NISCH: variants seen among roughly 807,000 people sequenced by gnomAD.
NISCH encodes the protein I-1 receptor candidate protein.
In NISCH, 55 loss-of-function variants were observed where a neutral mutation model predicts 138.4. The ratio of observed to expected loss-of-function variants is 0.40; its 90% confidence interval spans 0.32 to 0.50. The LOEUF (loss-of-function observed/expected upper bound fraction) is 0.50, where lower values mean the gene tolerates loss of function less well. Among genes scored for constraint, NISCH ranks in the 20% least tolerant of loss-of-function variants. The pLI is 0.71. For missense variants in NISCH, 1,643 were observed against 2,005.5 expected, an observed-to-expected ratio of 0.82 and a Z score of 3.45; for synonymous variants, 860 against 861.5, an observed-to-expected ratio of 1.00 and a Z score of 0.03.
intron 13 of NISCH, chr3:52,481,265 C>T: frequency 9.4e-7 from 1 of 1,063,748 alleles, no homozygotes; most frequent in Non-Finnish European, 1.1e-6. Context: ...GCCCTCCCAG[C>T]AGGGACAGGA....
chr3:52,470,643 G>A (rs192791490), intron 3 of NISCH: 43 of 597,700 alleles, frequency 7.2e-5, no homozygotes, highest in African/African-American at 6.5e-4. Flanking sequence ...TTTCCCTTCT[G>A]CTTTGGAGGA....
chr3:52,475,159 C>T (rs770803045), intron 7 of NISCH, among the ~76,000 whole-genome samples: 2 of 149,898 alleles, frequency 1.3e-5, no homozygotes, highest in African/African-American at 4.9e-5. Flanking sequence ...GAGTTGGAGA[C>T]CAACCTGGGC....
At position 52,490,836 on chromosome 3, in the gene NISCH, G is replaced by A. The variant is rs780624774; in HGVS notation, c.3742+3G>A. 85 of 1,614,004 alleles carry A rather than the reference G, an allele frequency of 5.3e-5. 1 individual carries two copies. The South Asian group carries it at 8.5e-4, about 16-fold the overall frequency. On this transcript the variant is annotated splice_donor_region_variant and intron_variant, in intron 19 of 20. Transcript: ENST00000345716. ...CGACCAGCATTTCCGGCTGACGGGT[G>A]GGTGACCCTCTGTGCTTTGTCCTAT...
chr3:52,489,736 A>G (rs1209969644), intron 17 of NISCH, 58 bp downstream of exon 17: 11 of 1,566,284 alleles, frequency 7.0e-6, no homozygotes, highest in South Asian at 1.2e-5. Flanking sequence ...GGCGAGGCCA[A>G]GCTTGGCTTC....
At position 52,492,225 on chromosome 3, in the gene NISCH, C is replaced by T. The variant is rs1006987100; in HGVS notation, c.4258C>T (p.Leu1420Phe). 6 of 1,613,058 alleles carry T rather than the reference C, an allele frequency of 3.7e-6. No individual in the cohort carries two copies. The East Asian group carries it at 6.7e-5, about 18-fold the overall frequency. Residue 1420 changes from leucine to phenylalanine, a missense_variant, in exon 21 of 21, where the codon CTC (leucine) becomes TTC (phenylalanine). Physicochemically the swap from Leu to Phe is conservative, Grantham distance 22. Coordinates refer to ENST00000345716, the MANE Select transcript of NISCH (RefSeq NM_007184.4). Reference sequence around the variant, plus strand: ...CCGCGTCCGGGACCTGGACCGAGTGCTCATGGGCTACCAGACCTACCCGCA... The same window carrying T: ...CCGCGTCCGGGACCTGGACCGAGTGTTCATGGGCTACCAGACCTACCCGCA... ...GRRVRDLDRVLMGYQTYPQAL... is the reference protein window; with the variant it reads ...GRRVRDLDRVFMGYQTYPQAL...
At chr3:52,462,958 G>T (rs1349788243) in intron 3 of NISCH, among the ~76,000 whole-genome samples, 1 of 152,120 alleles carries the variant, frequency 6.6e-6, no homozygotes, top group Non-Finnish European at 1.5e-5. Flanking sequence ...TTTAAAAATT[G>T]AGATATAATT....
Position 52,484,406 on chromosome 3 carries a change from A to AC in NISCH, c.1529-102dup, listed in dbSNP as rs1707353732. 2.8e-6 allele frequency: 3 copies of AC among 1,083,248 alleles called. No homozygotes were observed. In the Admixed American group the frequency reaches 6.9e-5, roughly 25 times the overall value. The allele number at this position is 1,083,248 out of a possible 1,614,324, so 67.1% of individuals were successfully genotyped here. Reference sequence around the variant, plus strand: ...GTGGCTGGGTTTTGGGATCTGGCTAACCCCCGCCATGCCAGTAGCCTGAGG... The same window carrying AC: ...GTGGCTGGGTTTTGGGATCTGGCTAACCCCCCGCCATGCCAGTAGCCTGAGG... On this transcript the variant is annotated intron_variant, in intron 13 of 20. Transcript: ENST00000345716.
chr3:52,472,040 GA>G, intron 5 of NISCH, 63 bp downstream of exon 5: 28 of 1,493,778 alleles, frequency 1.9e-5, no homozygotes, highest in Non-Finnish European at 2.5e-5. Context: ...ACCTGCGGGG[GA>G]CTGGCTGGCA....
chr3:52,463,762 C>T (rs6772177), intron 3 of NISCH, among the ~76,000 whole-genome samples: 18,728 of 126,158 alleles, frequency 0.15, 1,550 homozygotes, highest in South Asian at 0.28. Context: ...CTCGCTCTGT[C>T]GCACAGGCTG....
At chr3:52,489,728 C>G in intron 17 of NISCH, 50 bp downstream of exon 17, 2 of 1,573,378 alleles carry the variant, frequency 1.3e-6, no homozygotes, top group Non-Finnish European at 1.7e-6. Flanking sequence ...GTCCTGAGGG[C>G]GAGGCCAAGC....
At chr3:52,481,141 G>T (rs1331413268) in intron 13 of NISCH, 10 of 1,249,458 alleles carry the variant, frequency 8.0e-6, no homozygotes, top group Non-Finnish European at 1.0e-5. Flanking sequence ...TTCTCTTAGA[G>T]GGATAAGATA....
rs758399504 is a variant in NISCH, at chr3:52,478,623, G to A, written c.1302+46G>A. 10 of 1,579,346 alleles carry A rather than the reference G, an allele frequency of 6.3e-6. No homozygotes were observed. In the Admixed American group the frequency reaches 1.7e-4, roughly 26 times the overall value. ...AAGAGCCCAGGGAGACCTTCGGGAT[G>A]CAGTCAAGTCTGCATGGGCGGTAGG... On this transcript the variant is annotated intron_variant, in intron 11 of 20. Coordinates refer to ENST00000345716, the MANE Select transcript of NISCH (RefSeq NM_007184.4).
Position 52,480,211 on chromosome 3 carries a change from G to GC in NISCH, c.1449dup (p.Cys484LeufsTer25). 1 of 1,613,876 alleles carries GC rather than the reference G, an allele frequency of 6.2e-7. No individual in the cohort carries two copies. Among genetic ancestry groups the GC allele is most frequent in the Non-Finnish European group, 8.5e-7 (1 of 1,179,994 alleles). On this transcript the variant is annotated frameshift_variant, in exon 13 of 21. Transcript: ENST00000345716. LOFTEE classifies it high-confidence loss of function. ...TGGTGAAGACTCCCGGCTCTCAGCT[G>GC]CCCCCTGCATCAGACCCAGCAGCTC... is the stretch of plus-strand genomic sequence containing the variant.
At chr3:52,472,269 C>T (rs1354657752) in intron 5 of NISCH, 34 bp from the exon 6 acceptor site, 5 of 1,595,884 alleles carry the variant, frequency 3.1e-6, no homozygotes, top group Non-Finnish European at 3.4e-6. Context: ...GCATGCGACA[C>T]TGTTCCCAAT....
At chr3:52,469,138 G>C (rs1341621161) in intron 3 of NISCH, among the ~76,000 whole-genome samples, 4 of 152,216 alleles carry the variant, frequency 2.6e-5, no homozygotes, top group African/African-American at 9.6e-5. Flanking sequence ...CACGTGAATT[G>C]CTTGTCCTGG....
chr3:52,467,718 T>C (rs1400036380), intron 3 of NISCH, among the ~76,000 whole-genome samples: 1 of 152,256 alleles, frequency 6.6e-6, no homozygotes, highest in Non-Finnish European at 1.5e-5. Flanking sequence ...GGCCCTTACT[T>C]TCTCTCAACT....
chr3:52,458,585 C>T (rs62257617), intron 2 of NISCH, 77 bp from the exon 3 acceptor site: 54,318 of 1,343,346 alleles, frequency 0.04, 1,381 homozygotes, highest in Non-Finnish European at 0.05. Flanking sequence ...AGCGCCTGCC[C>T]TCAAGCTTCT....
chr3:52,477,465 G>A, intron 8 of NISCH, 109 bp from the exon 9 acceptor site: 1 of 856,104 alleles, frequency 1.2e-6, no homozygotes, highest in Admixed American at 1.8e-5. Flanking sequence ...CGGCCCGTGG[G>A]AGTCCATGGT....
At chr3:52,467,147 T>C (rs1343849504) in intron 3 of NISCH, among the ~76,000 whole-genome samples, 1 of 151,904 alleles carries the variant, frequency 6.6e-6, no homozygotes, top group African/African-American at 2.4e-5. Context: ...AGTACAGGCA[T>C]GTGCCACCAT....
Sources: gnomAD v4.1 joint callset for allele counts (sites outside exome capture counted in the v4.1 genomes callset) on GRCh38, gnomAD v4.1.1 for gene constraint, MANE v1.5 for transcripts, NCBI Gene and HGNC (gene_info 2026-07-23, HGNC 2026-07-21) for gene names.